The following EBF2 variants were observed in gnomAD, a reference collection of about 807,000 sequenced individuals.
EBF2 encodes the protein EBF transcription factor 2.
EBF2 carries 21 observed loss-of-function variants against 72.8 expected under a neutral mutation model. The ratio of observed to expected loss-of-function variants is 0.29; its 90% CI spans 0.20 to 0.42. EBF2 has a LOEUF of 0.42. EBF2 is among the 10% of genes least tolerant of loss of function. The pLI is 1.00. For missense variants in EBF2, 637 were observed against 731.2 expected (o/e 0.87, Z 1.49); for synonymous variants, 299 against 274.2 (o/e 1.09, Z -0.89).
At chr8:25,940,902 C>T (rs1449824672) in intron 6 of EBF2, among the ~76,000 whole-genome samples, 1 of 152,166 alleles carries the variant, frequency 6.6e-6, no homozygotes, top group East Asian at 1.9e-4. Context: ...CCCCAAAACA[C>T]GGTAGACTAG....
At chr8:25,848,504 G>A (rs918644308) in intron 15 of EBF2, among the ~76,000 whole-genome samples, 6 of 152,146 alleles carry the variant, frequency 3.9e-5, no homozygotes, top group African/African-American at 9.7e-5. Context: ...GTAACAGCAC[G>A]GGAGTCTTGG....
intron 6 of EBF2, among the ~76,000 whole-genome samples, chr8:25,952,285 ACT>A (rs1357611378): frequency 6.6e-6 from 1 of 151,470 alleles, no homozygotes; most frequent in African/African-American, 2.4e-5. Context: ...ACAGAGCAAG[ACT>A]CTAGTATGTT....
chr8:25,912,740 C>T (rs1476125348), intron 6 of EBF2, among the ~76,000 whole-genome samples: 2 of 152,154 alleles, frequency 1.3e-5, no homozygotes, highest in African/African-American at 2.4e-5. Flanking sequence ...AAGGATCCCC[C>T]GACCAAACTA....
intron 6 of EBF2, among the ~76,000 whole-genome samples, chr8:26,000,552 T>C (rs1279157614): frequency 6.6e-6 from 1 of 152,222 alleles, no homozygotes; most frequent in Non-Finnish European, 1.5e-5. Context: ...CAACTGGCTA[T>C]ATCTTGGTTC....
intron 14 of EBF2, 188 bp downstream of exon 14, chr8:25,858,131 G>C (rs1180280501): frequency 5.2e-6 from 4 of 766,502 alleles, no homozygotes; most frequent in Non-Finnish European, 6.8e-6. Context: ...AAGGCCTTGA[G>C]TAACCACGTG....
rs891178109 is a variant in EBF2 at position 25,842,937 on chromosome 8, G to A, written c.*1672C>T. 1.3e-5 allele frequency: 2 copies of A among 152,144 alleles called. No homozygotes were observed. Among genetic ancestry groups the A allele is most frequent in the Admixed American group, 1.3e-4 (2 of 15,276 alleles). The allele number at this position is 152,144 out of a possible 1,614,324, so 9.4% of individuals were successfully genotyped here. A position where few individuals can be genotyped will look rare whatever the true frequency, so the allele number is the denominator to read the frequency against. ...GAACCCCAAACTAAGTCTGTGTATA[G>A]ACTCTATTGTGGTGCTCATGAGTCA... On this transcript the variant is annotated 3_prime_UTR_variant, in exon 16 of 16. Coordinates refer to ENST00000520164, the MANE Select transcript of EBF2 (RefSeq NM_022659.4).
chr8:25,991,616 C>A (rs771556789), intron 6 of EBF2, among the ~76,000 whole-genome samples: 6 of 152,080 alleles, frequency 3.9e-5, no homozygotes, highest in Non-Finnish European at 5.9e-5. Flanking sequence ...GAGGTCGAGG[C>A]GGGCAGATCA....
intron 6 of EBF2, among the ~76,000 whole-genome samples, chr8:25,962,675 T>C (rs1242753389): frequency 6.6e-6 from 1 of 152,230 alleles, no homozygotes; most frequent in African/African-American, 2.4e-5. Context: ...AGAATAATGA[T>C]GTCAAACCCA....
At chr8:25,954,604 G>A (rs1368603199) in intron 6 of EBF2, among the ~76,000 whole-genome samples, 2 of 152,170 alleles carry the variant, frequency 1.3e-5, no homozygotes, top group Non-Finnish European at 2.9e-5. Context: ...ACGTCGTGTT[G>A]CACCACCGTT....
chr8:25,896,310 G>A (rs1255796811), intron 7 of EBF2, among the ~76,000 whole-genome samples: 1 of 152,154 alleles, frequency 6.6e-6, no homozygotes, highest in African/African-American at 2.4e-5. Flanking sequence ...CCCTTTCAAT[G>A]AGGGTCATGC....
intron 7 of EBF2, among the ~76,000 whole-genome samples, chr8:25,903,161 C>G (rs4242424): frequency 0.99 from 149,658 of 150,896 alleles, 74,219 homozygotes; most frequent in East Asian, 1. Context: ...AGGGTAAATG[C>G]GGCATCCTCA....
intron 6 of EBF2, among the ~76,000 whole-genome samples, chr8:25,929,987 T>C (rs915185747): frequency 2.6e-5 from 4 of 152,188 alleles, no homozygotes; most frequent in African/African-American, 9.7e-5. Flanking sequence ...AACAAAATAA[T>C]GAGGCAGTAT....
At position 26,042,074 on chromosome 8, in the gene EBF2, TG is replaced by T; in HGVS notation, c.288+20del. On this transcript the variant is annotated intron_variant, in intron 2 of 15. Coordinates refer to ENST00000520164, the MANE Select transcript of EBF2 (RefSeq NM_022659.4). ...GAGGGAGTTATTAGGCCGCGGGGTT[TG>T]GGGGGTACTTTCCGCTTACTTTGTC... The T allele has an allele frequency of 1.2e-6, 2 of 1,610,386 alleles. No individual in the cohort carries two copies. Among genetic ancestry groups the T allele is most frequent in the Non-Finnish European group, 8.5e-7 (1 of 1,177,426 alleles).
At chr8:25,939,630 T>C (rs926927957) in intron 6 of EBF2, among the ~76,000 whole-genome samples, 2 of 152,066 alleles carry the variant, frequency 1.3e-5, no homozygotes, top group African/African-American at 4.8e-5. Flanking sequence ...CTCAGGAGGG[T>C]TAAGAAACAA....
At chr8:26,041,033 G>C (rs1209274076) in intron 2 of EBF2, 31 bp from the exon 3 acceptor site, 1 of 1,612,410 alleles carries the variant, frequency 6.2e-7, no homozygotes, top group Admixed American at 1.7e-5. Flanking sequence ...CGATTCCCTT[G>C]CCTTTCAGCC....
chr8:25,911,896 C>T (rs953705991), intron 6 of EBF2, among the ~76,000 whole-genome samples: 4 of 152,136 alleles, frequency 2.6e-5, no homozygotes, highest in South Asian at 2.1e-4. Flanking sequence ...AGGGTGACGC[C>T]GTGCCCAGAG....
intron 15 of EBF2, among the ~76,000 whole-genome samples, chr8:25,849,920 C>T (rs745364212): frequency 1.6e-4 from 25 of 152,158 alleles, no homozygotes; most frequent in Middle Eastern, 3.4e-3. Context: ...TGATGGCAAG[C>T]GGATTAGGTA....
Position 25,844,443 on chromosome 8 carries a change from A to G in EBF2, c.*166T>C. 1 of 670,112 alleles carries G rather than the reference A, an allele frequency of 1.5e-6. No homozygotes were observed. Among genetic ancestry groups the G allele is most frequent in the Non-Finnish European group, 2.6e-6 (1 of 383,376 alleles). 41.5% of individuals were successfully genotyped at this position (670,112 alleles called of 1,614,324 possible). Reference sequence around the variant, plus strand: ...AGTTTGTGTAGCCACCATCAGAGCTATAGGAGGACGTGGGACCAAGTAAGA... The same window carrying G: ...AGTTTGTGTAGCCACCATCAGAGCTGTAGGAGGACGTGGGACCAAGTAAGA... On this transcript the variant is annotated 3_prime_UTR_variant, in exon 16 of 16. Coordinates refer to ENST00000520164, the MANE Select transcript of EBF2 (RefSeq NM_022659.4).
At chr8:26,039,389 G>C (rs1805562293) in intron 5 of EBF2, among the ~76,000 whole-genome samples, 1 of 152,144 alleles carries the variant, frequency 6.6e-6, no homozygotes, top group Non-Finnish European at 1.5e-5. Flanking sequence ...CCACACTCCA[G>C]ATCTCCCAGC....
Sources: allele counts gnomAD v4.1 joint callset (sites outside exome capture counted in the v4.1 genomes callset), GRCh38; gene constraint gnomAD v4.1.1; transcripts MANE v1.5; gene names NCBI Gene and HGNC (gene_info 2026-07-23, HGNC 2026-07-21).